ADAMTS16: variants seen among roughly 807,000 people sequenced by gnomAD.
The protein encoded by ADAMTS16 is ADAM metallopeptidase with thrombospondin type 1 motif 16.
In ADAMTS16, 94 loss-of-function variants were observed where a neutral mutation model predicts 145.8. That is an observed-to-expected ratio of 0.64 (90% CI 0.55 to 0.77). The LOEUF (loss-of-function observed/expected upper bound fraction) is 0.77, where lower values mean the gene tolerates loss of function less well. Among genes scored for constraint, ADAMTS16 ranks in the 30% least tolerant of loss-of-function variants. The pLI is 0.00. For missense variants in ADAMTS16, 1,585 were observed against 1,591.5 expected (o/e 1.00, Z 0.07); for synonymous variants, 659 against 604.3 (o/e 1.09, Z -1.33).
At position 5,140,492 on chromosome 5, in the gene ADAMTS16, C is replaced by A. The variant is rs1349083345; in HGVS notation, c.25C>A (p.Arg9=). The change falls in exon 1 of 23, where the codon CGG becomes AGG. Residue 9 remains arginine, a synonymous_variant. Coordinates refer to ENST00000274181, the MANE Select transcript of ADAMTS16 (RefSeq NM_139056.4). The stretch of plus-strand genomic sequence containing the variant: ...GATGAAGCCCCGCGCGCGCGGATGG[C>A]GGGGCTTGGCGGCGCTGTGGATGCT... The part of the protein sequence containing the change: MKPRARGW[R]GLAALWMLLA... The A allele has an allele frequency of 1.3e-6, 2 of 1,516,762 alleles. No homozygotes were observed. Among genetic ancestry groups the A allele is most frequent in the African/African-American group, 1.4e-5 (1 of 69,800 alleles). 94.0% of individuals were successfully genotyped at this position (1,516,762 alleles called of 1,614,324 possible).
intron 16 of ADAMTS16, among the ~76,000 whole-genome samples, chr5:5,240,638 A>G (rs1289125677): frequency 6.6e-6 from 1 of 152,096 alleles, no homozygotes; most frequent in African/African-American, 2.4e-5. Context: ...AGGTACAGCC[A>G]CCTGGATACC....
chr5:5,243,040 A>T (rs1232590513), intron 17 of ADAMTS16, among the ~76,000 whole-genome samples: 1 of 152,260 alleles, frequency 6.6e-6, no homozygotes, highest in African/African-American at 2.4e-5. Flanking sequence ...GAGAACTGGC[A>T]TAAAGTTAAG....
chr5:5,312,211 G>A (rs1439419733), intron 21 of ADAMTS16, among the ~76,000 whole-genome samples: 2 of 152,072 alleles, frequency 1.3e-5, no homozygotes, highest in Non-Finnish European at 2.9e-5. Flanking sequence ...TCTGCTTCCT[G>A]TTTACCTCCA....
intron 18 of ADAMTS16, among the ~76,000 whole-genome samples, chr5:5,277,614 G>A (rs1272953276): frequency 1.3e-5 from 2 of 152,102 alleles, no homozygotes; most frequent in Non-Finnish European, 2.9e-5. Context: ...TTACTTTTAC[G>A]CCAAATGAAA....
intron 12 of ADAMTS16, 145 bp from the exon 13 acceptor site, chr5:5,234,869 C>CAGAAAAAA (rs539592178): frequency 3.5e-5 from 2 of 56,506 alleles, no homozygotes; most frequent in Admixed American, 5.2e-4. Flanking sequence ...GACTCCATCT[C>CAGAAAAAA]AAAAAAAAAA....
chr5:5,257,531 A>G (rs968310296), intron 17 of ADAMTS16, among the ~76,000 whole-genome samples: 2 of 152,386 alleles, frequency 1.3e-5, no homozygotes, highest in East Asian at 1.9e-4. Flanking sequence ...AACGTAATGC[A>G]AACGGCAATG....
intron 2 of ADAMTS16, among the ~76,000 whole-genome samples, chr5:5,143,979 G>A (rs746909817): frequency 2.0e-5 from 2 of 99,630 alleles, no homozygotes; most frequent in East Asian, 2.7e-4. Context: ...GGGCTTGTTG[G>A]GGGGTGAGGG....
intron 3 of ADAMTS16, among the ~76,000 whole-genome samples, chr5:5,172,795 G>A (rs1735081425): frequency 6.6e-6 from 1 of 152,156 alleles, no homozygotes; most frequent in South Asian, 2.1e-4. Context: ...TGTGTCCCTG[G>A]TGATTTTCTG....
chr5:5,286,562 T>A (rs1055886254), intron 18 of ADAMTS16, among the ~76,000 whole-genome samples: 29 of 152,188 alleles, frequency 1.9e-4, no homozygotes, highest in African/African-American at 6.5e-4. Flanking sequence ...TATTTAAATA[T>A]TTTAAAGAGT....
At chr5:5,252,405 A>C (rs1388705162) in intron 17 of ADAMTS16, among the ~76,000 whole-genome samples, 1 of 152,120 alleles carries the variant, frequency 6.6e-6, no homozygotes, top group African/African-American at 2.4e-5. Context: ...GCAGCAGTTA[A>C]TTTTAAAGTG....
Position 5,261,614 on chromosome 5 carries a change from T to C in ADAMTS16, c.2663-1043T>C, listed in dbSNP as rs116799218. 3.3e-3 allele frequency among the ~76,000 whole-genome samples: 505 copies of C among 151,794 alleles called. 3 individuals carry two copies. The highest frequency in any genetic ancestry group is 0.012 in the African/African-American group (480 of 41,432). ...CGATTCTTCTGCCTCAGCCTCCTGA[T>C]AGCTGGGAATACAGGCACGTGCCAC... is the stretch of plus-strand genomic sequence containing the variant. On this transcript the variant is annotated intron_variant, in intron 17 of 22. Coordinates refer to ENST00000274181, the MANE Select transcript of ADAMTS16 (RefSeq NM_139056.4).
Position 5,306,605 on chromosome 5 carries a change from A to G in ADAMTS16, c.3288A>G (p.Ser1096=), listed in dbSNP as rs754800516. 1.2e-6 allele frequency: 2 copies of G among 1,614,086 alleles called. No homozygotes were observed. The highest frequency in any genetic ancestry group is 1.3e-5 in the African/African-American group (1 of 74,932). The change falls in exon 21 of 23, where the codon TCA becomes TCG. Residue 1096 remains serine, a synonymous_variant. Transcript: ENST00000274181. ...KYRELASKKC[S]HLPKPSLELE... Reference sequence around the variant, plus strand: ...GAGAGCTGGCCTCAAAGAAGTGCTCACATTTGCCGAAGCCCAGCCTGGAGC... The same window carrying G: ...GAGAGCTGGCCTCAAAGAAGTGCTCGCATTTGCCGAAGCCCAGCCTGGAGC...
intron 11 of ADAMTS16, among the ~76,000 whole-genome samples, chr5:5,230,166 G>C (rs1053086127): frequency 1.3e-5 from 2 of 152,102 alleles, no homozygotes; most frequent in Non-Finnish European, 2.9e-5. Context: ...GCAAGATCCA[G>C]AATATGGGAA....
intron 18 of ADAMTS16, among the ~76,000 whole-genome samples, chr5:5,264,535 A>C (rs965448880): frequency 1.3e-5 from 2 of 152,296 alleles, no homozygotes; most frequent in South Asian, 4.1e-4. Flanking sequence ...GGTGGGAGGC[A>C]CCGTCTCTTT....
At chr5:5,186,393 G>T in intron 5 of ADAMTS16, 142 bp downstream of exon 5, 2 of 800,294 alleles carry the variant, frequency 2.5e-6, no homozygotes, top group South Asian at 1.8e-5. Context: ...TATTTTATTG[G>T]TGATAACTCA....
intron 11 of ADAMTS16, 61 bp downstream of exon 11, chr5:5,222,945 C>G: frequency 1.4e-6 from 2 of 1,470,582 alleles, no homozygotes; most frequent in Non-Finnish European, 1.9e-6. Flanking sequence ...ACCCATGCAT[C>G]TTTGCTCCTC....
At chr5:5,288,561 A>G (rs1446543997) in intron 18 of ADAMTS16, among the ~76,000 whole-genome samples, 1 of 152,234 alleles carries the variant, frequency 6.6e-6, no homozygotes, top group Non-Finnish European at 1.5e-5. Flanking sequence ...ATAATCAGCC[A>G]GAAAGTAGAA....
Position 5,237,115 on chromosome 5 carries a change from C to A in ADAMTS16, c.2154+16C>A, listed in dbSNP as rs769779536. 13 of 1,611,172 alleles carry A rather than the reference C, an allele frequency of 8.1e-6. No individual in the cohort carries two copies. Among genetic ancestry groups the A allele is most frequent in the East Asian group, 6.7e-5 (3 of 44,818 alleles). ...GATATGTGAGGTAATCATGATCCTT[C>A]ATTCATTCAACAAATGATTCCGGAC... On this transcript the variant is annotated intron_variant, in intron 14 of 22. Coordinates refer to ENST00000274181, the MANE Select transcript of ADAMTS16 (RefSeq NM_139056.4).
chr5:5,250,855 C>G (rs1413897432), intron 17 of ADAMTS16, among the ~76,000 whole-genome samples: 3 of 152,098 alleles, frequency 2.0e-5, no homozygotes, highest in African/African-American at 7.2e-5. Context: ...CAAAGTAAAA[C>G]CAAATGTCAG....
Sources: allele counts gnomAD v4.1 joint callset (sites outside exome capture counted in the v4.1 genomes callset), GRCh38; gene constraint gnomAD v4.1.1; transcripts MANE v1.5; gene names NCBI Gene and HGNC (gene_info 2026-07-23, HGNC 2026-07-21).